Variants in ZNF366 observed in about 807,000 individuals in gnomAD.
ZNF366 encodes zinc finger protein 366.
ZNF366 carries 20 observed loss-of-function variants against 47.2 expected under a neutral mutation model. That is an observed-to-expected ratio of 0.42 (90% confidence interval 0.30 to 0.62). The LOEUF (loss-of-function observed/expected upper bound fraction) is 0.62. ZNF366 is among the 20% of genes least tolerant of loss of function. The pLI is 0.16. For missense variants in ZNF366, 987 were observed against 976.3 expected (o/e 1.01, Z -0.15); for synonymous variants, 421 against 395.1 (o/e 1.07, Z -0.78).
At chr5:72,481,833 C>G (rs541136779) in intron 1 of ZNF366, among the ~76,000 whole-genome samples, 9 of 152,136 alleles carry the variant, frequency 5.9e-5, no homozygotes, top group Non-Finnish European at 1.3e-4. Context: ...AATTTTCATA[C>G]CCATTAGTAT....
chr5:72,475,410 A>G (rs1653183696), intron 1 of ZNF366, among the ~76,000 whole-genome samples: 1 of 152,218 alleles, frequency 6.6e-6, no homozygotes, highest in Admixed American at 6.5e-5. Flanking sequence ...TAAAGATCAT[A>G]GGACCATAGA....
At position 72,460,920 on chromosome 5, in the gene ZNF366, A is replaced by G. The variant is rs1432562857; in HGVS notation, c.577T>C (p.Ser193Pro). The change falls in exon 2 of 5, where the codon TCC (serine) becomes CCC (proline). Residue 193 changes from serine to proline, a missense_variant. This residue lies in a region of ZNF366 where 591 missense variants were observed against 560.9 expected (regional missense o/e 1.05). Coordinates refer to ENST00000318442, the MANE Select transcript of ZNF366 (RefSeq NM_152625.3). ...TGCCGGCTGAAGGGGAAGGGCGAGG[A>G]CGAGGGCACGAAGAAGGGGAACATG... ...GLMFPFFVPS[S>P]SPFPFSRHTF... The G allele has an allele frequency of 1.2e-6, 2 of 1,611,830 alleles. No homozygotes were observed. The highest frequency in any genetic ancestry group is 1.3e-5 in the African/African-American group (1 of 74,872).
intron 3 of ZNF366, among the ~76,000 whole-genome samples, chr5:72,454,338 T>G (rs1237295304): frequency 6.6e-6 from 1 of 152,192 alleles, no homozygotes; most frequent in Non-Finnish European, 1.5e-5. Flanking sequence ...TGCAGTTTCT[T>G]GTGCACTAAT....
intron 1 of ZNF366, chr5:72,494,111 A>C (rs1744067582): frequency 6.6e-6 from 1 of 152,006 alleles, no homozygotes. Flanking sequence ...TAATTACTGT[A>C]ACATAAACGT....
At chr5:72,496,772 G>A (rs983718303) in intron 1 of ZNF366, among the ~76,000 whole-genome samples, 1 of 152,134 alleles carries the variant, frequency 6.6e-6, no homozygotes, top group Non-Finnish European at 1.5e-5. Flanking sequence ...GGGAATTTCA[G>A]TTTCTCCACG....
chr5:72,487,011 G>C (rs1171554345), intron 1 of ZNF366, among the ~76,000 whole-genome samples: 1 of 152,170 alleles, frequency 6.6e-6, no homozygotes, highest in Non-Finnish European at 1.5e-5. Context: ...TCCTGATCTT[G>C]TGATCCACCC....
chr5:72,467,483 T>C (rs1743455328), intron 1 of ZNF366, among the ~76,000 whole-genome samples: 1 of 152,230 alleles, frequency 6.6e-6, no homozygotes, highest in South Asian at 2.1e-4. Flanking sequence ...AATAATGGTC[T>C]TTAATTGGGA....
chr5:72,468,311 G>A (rs1172593230), intron 1 of ZNF366, among the ~76,000 whole-genome samples: 2 of 152,172 alleles, frequency 1.3e-5, no homozygotes, highest in Non-Finnish European at 2.9e-5. Flanking sequence ...GACCCTTCCA[G>A]ATGCCCTTCT....
intron 1 of ZNF366, among the ~76,000 whole-genome samples, chr5:72,504,475 G>T (rs10066387): frequency 0.17 from 26,451 of 152,162 alleles, 2,568 homozygotes; most frequent in East Asian, 0.38. Context: ...ATTGAGCTGT[G>T]TTGAATACAG....
At chr5:72,465,123 C>T (rs765838638) in intron 1 of ZNF366, among the ~76,000 whole-genome samples, 1 of 152,124 alleles carries the variant, frequency 6.6e-6, no homozygotes, top group Non-Finnish European at 1.5e-5. Flanking sequence ...ACATTTAAAA[C>T]AGCAGTCCCT....
chr5:72,503,410 C>A (rs1454728310), intron 1 of ZNF366, among the ~76,000 whole-genome samples: 1 of 152,014 alleles, frequency 6.6e-6, no homozygotes, highest in Non-Finnish European at 1.5e-5. Flanking sequence ...GAAGACGGAG[C>A]AAGACACTGA....
chr5:72,455,193 T>C (rs1305403226), intron 3 of ZNF366, among the ~76,000 whole-genome samples: 1 of 152,188 alleles, frequency 6.6e-6, no homozygotes, highest in Non-Finnish European at 1.5e-5. Flanking sequence ...CTCCCACCTC[T>C]GGACAATGCC....
intron 1 of ZNF366, among the ~76,000 whole-genome samples, chr5:72,505,286 G>A (rs913088537): frequency 2.6e-5 from 4 of 152,286 alleles, no homozygotes; most frequent in African/African-American, 7.2e-5. Flanking sequence ...TAGTGACTTC[G>A]ATGAAACTAG....
intron 4 of ZNF366, among the ~76,000 whole-genome samples, chr5:72,445,178 A>G (rs1221510806): frequency 6.6e-6 from 1 of 152,138 alleles, no homozygotes; most frequent in African/African-American, 2.4e-5. Context: ...AGGAGGCCTC[A>G]CTTTTGCCTT....
intron 1 of ZNF366, among the ~76,000 whole-genome samples, chr5:72,485,068 C>A (rs375919819): frequency 2.0e-5 from 3 of 151,980 alleles, no homozygotes; most frequent in Non-Finnish European, 2.9e-5. Flanking sequence ...GATAGAGGTA[C>A]GCTGTACATG....
In ZNF366 at chr5:72,461,466, C is replaced by T. The variant is rs776968247; in HGVS notation, c.31G>A (p.Glu11Lys). The T allele has an allele frequency of 5.1e-6, 8 of 1,573,618 alleles. No homozygotes were observed. The highest frequency in any genetic ancestry group is 1.8e-5 in the Admixed American group (1 of 54,658). Residue 11 changes from glutamate to lysine, a missense_variant, in exon 2 of 5, where the codon GAG (glutamate) becomes AAG (lysine). Coordinates refer to ENST00000318442, the MANE Select transcript of ZNF366 (RefSeq NM_152625.3). The stretch of plus-strand genomic sequence containing the variant: ...ACAGCCAAGTCGAAATGCACATCCT[C>T]GTCTTTGATCATCTTCATTTCCTTC... Reference protein sequence around the residue: MQKEMKMIKDEDVHFDLAVKK... With the variant: MQKEMKMIKDKDVHFDLAVKK...
intron 1 of ZNF366, among the ~76,000 whole-genome samples, chr5:72,492,270 G>A (rs1181105953): frequency 6.6e-6 from 1 of 152,162 alleles, no homozygotes; most frequent in Non-Finnish European, 1.5e-5. Context: ...AGAAAATTCT[G>A]TAAGGCAGAA....
intron 2 of ZNF366, 49 bp downstream of exon 2, chr5:72,460,116 C>CGGG: frequency 6.3e-7 from 1 of 1,582,974 alleles, no homozygotes; most frequent in South Asian, 1.2e-5. Context: ...CTCAGGGCCC[C>CGGG]GCTCCTCTTC....
chr5:72,472,626 A>G, intron 1 of ZNF366: 1 of 917,050 alleles, frequency 1.1e-6, no homozygotes, highest in East Asian at 1.2e-4. Flanking sequence ...AGAATCGGTT[A>G]GAAAGATTCA....
Sources: allele counts gnomAD v4.1 joint callset (sites outside exome capture counted in the v4.1 genomes callset), GRCh38; gene constraint gnomAD v4.1.1; regional missense constraint gnomAD v4.1.1; transcripts MANE v1.5; gene names NCBI Gene and HGNC (gene_info 2026-07-23, HGNC 2026-07-21).